The following XIRP2 variants were observed in gnomAD, a reference collection of about 807,000 sequenced individuals.
XIRP2 encodes xin actin-binding repeat-containing protein 2.
XIRP2 carries 236 observed loss-of-function variants against 277.0 expected under a neutral mutation model. That is an observed-to-expected ratio of 0.85 (90% CI 0.77 to 0.95). The LOEUF is 0.95. Ranked by LOEUF, XIRP2 falls within the 40% of genes least tolerant of loss-of-function variation. The probability of loss-of-function intolerance (pLI) is 0.00; values close to 1 mark genes in which losing one functional copy is unlikely to be tolerated. For missense variants in XIRP2, 4,640 were observed against 4,157.5 expected, an observed-to-expected ratio of 1.12 and a Z score of -3.19; for synonymous variants, 1,490 against 1,416.5, an observed-to-expected ratio of 1.05 and a Z score of -1.17.
intron 3 of XIRP2, among the ~76,000 whole-genome samples, chr2:167,143,397 C>G (rs1691779856): frequency 1.3e-5 from 2 of 151,638 alleles, no homozygotes; most frequent in South Asian, 4.2e-4. Context: ...TGGGAGTTGA[C>G]CAAGAGGAGA....
chr2:166,909,982 A>G (rs1684653394), intron 2 of XIRP2, among the ~76,000 whole-genome samples: 1 of 152,162 alleles, frequency 6.6e-6, no homozygotes, highest in Non-Finnish European at 1.5e-5. Context: ...ATGGTGGATA[A>G]GCTTTTTGAT....
chr2:166,944,406 A>T (rs574836312), intron 2 of XIRP2, among the ~76,000 whole-genome samples: 1 of 152,326 alleles, frequency 6.6e-6, no homozygotes, highest in South Asian at 2.1e-4. Context: ...TATGTGCTTC[A>T]TGTCTTAGCC....
At chr2:167,030,344 G>T (rs1450630045) in intron 2 of XIRP2, among the ~76,000 whole-genome samples, 2 of 151,914 alleles carry the variant, frequency 1.3e-5, no homozygotes, top group Non-Finnish European at 2.9e-5. Flanking sequence ...TTCTCCTGTG[G>T]GCATTTAGTA....
intron 2 of XIRP2, among the ~76,000 whole-genome samples, chr2:167,124,909 C>T (rs886857501): frequency 6.6e-6 from 1 of 152,034 alleles, no homozygotes; most frequent in African/African-American, 2.4e-5. Flanking sequence ...AGAAGGATGG[C>T]CCAGATCAGA....
Position 167,246,373 on chromosome 2 carries a change from C to G in XIRP2, c.4981C>G (p.Gln1661Glu), listed in dbSNP as rs199799734. The G allele has an allele frequency of 6.2e-7, 1 of 1,612,958 alleles. No homozygotes were observed. Residue 1661 changes from glutamine to glutamate, a missense_variant, in exon 9 of 11, where the codon CAA (glutamine) becomes GAA (glutamate). Gln to Glu is a conservative substitution (Grantham distance 29, BLOSUM62 2). Transcript: ENST00000409195. ...KEEIVKGDVQ[Q>E]AIKNLFSEER... ...AGAGATAGTGAAAGGTGATGTACAA[C>G]AAGCAATAAAAAACCTGTTCTCTGA...
intron 2 of XIRP2, among the ~76,000 whole-genome samples, chr2:167,120,245 G>T (rs751904047): frequency 6.6e-6 from 1 of 152,112 alleles, no homozygotes; most frequent in Non-Finnish European, 1.5e-5. Flanking sequence ...GCTGTATCTG[G>T]CTTCCTAGAG....
At chr2:166,911,750 G>T (rs1050859666) in intron 2 of XIRP2, among the ~76,000 whole-genome samples, 2 of 152,148 alleles carry the variant, frequency 1.3e-5, no homozygotes, top group African/African-American at 4.8e-5. Context: ...GCTGGTACTG[G>T]TTGTTCCTTT....
chr2:167,258,115 G>C lies in XIRP2; in HGVS notation c.*298G>C. ...ATGCTGGTAACAGTGAAGGGCAAAGGAATGATTTGAGAAAATTAGGGGAAA... is the reference window on the plus strand; with the variant it reads ...ATGCTGGTAACAGTGAAGGGCAAAGCAATGATTTGAGAAAATTAGGGGAAA... On this transcript the variant is annotated 3_prime_UTR_variant, in exon 11 of 11. Transcript: ENST00000409195. The C allele has an allele frequency of 6.2e-7, 1 of 1,613,192 alleles. No homozygotes were observed. Among genetic ancestry groups the C allele is most frequent in the Non-Finnish European group, 8.5e-7 (1 of 1,179,544 alleles).
rs867900614 is a variant in XIRP2 at position 167,158,031 on chromosome 2, T to C, written c.562+21969T>C. Among the ~76,000 whole-genome samples the C allele has an allele frequency of 3.3e-5, 5 of 152,298 alleles. No homozygotes were observed. The South Asian group carries it at 8.3e-4, about 25-fold the overall frequency. ...CTTTAAAAGTGCTTTAAAACAGTGT[T>C]CTAGTTGTGCCGTAACATAAACAGA... On this transcript the variant is annotated intron_variant, in intron 3 of 10. Transcript: ENST00000409195.
At chr2:167,060,457 T>G (rs1170033677) in intron 2 of XIRP2, among the ~76,000 whole-genome samples, 1 of 152,206 alleles carries the variant, frequency 6.6e-6, no homozygotes, top group Non-Finnish European at 1.5e-5. Flanking sequence ...TTTTCCCCTG[T>G]TTTCTATTAG....
chr2:167,165,781 C>A (rs1182865132), intron 3 of XIRP2, among the ~76,000 whole-genome samples: 1 of 152,154 alleles, frequency 6.6e-6, no homozygotes, highest in Non-Finnish European at 1.5e-5. Flanking sequence ...TTCTCCCAGG[C>A]CATGGCTTGC....
intron 2 of XIRP2, among the ~76,000 whole-genome samples, chr2:166,915,691 C>T (rs1252643223): frequency 4.6e-5 from 7 of 152,160 alleles, no homozygotes; most frequent in African/African-American, 9.7e-5. Context: ...TTATTCTATT[C>T]ATGTCTTTTA....
rs115432601 is a variant in XIRP2, at chr2:166,961,144, C to T, written c.408+57254C>T. ...GAATTTTTTGCAGAGAGCAGAATTA[C>T]CCCTCACTTCTGGGTGAAGAGAGCA... On this transcript the variant is annotated intron_variant, in intron 2 of 10. Transcript: ENST00000409195. Among the ~76,000 whole-genome samples, 478 of 151,814 alleles carry T rather than the reference C, an allele frequency of 3.1e-3. 4 individuals carry two copies. The highest frequency in any genetic ancestry group is 0.011 in the African/African-American group (453 of 41,480).
intron 2 of XIRP2, among the ~76,000 whole-genome samples, chr2:167,052,124 G>T (rs1688928251): frequency 6.6e-6 from 1 of 151,958 alleles, no homozygotes; most frequent in African/African-American, 2.4e-5. Context: ...TTAGTTTCTG[G>T]TAGGGAAAAA....
chr2:167,016,155 CCT>C (rs1272572828), intron 2 of XIRP2, among the ~76,000 whole-genome samples: 1 of 151,792 alleles, frequency 6.6e-6, no homozygotes, highest in African/African-American at 2.4e-5. Flanking sequence ...ACCTGCTCTT[CCT>C]CTTTTTTCTC....
chr2:167,133,515 G>A (rs1160034220), intron 2 of XIRP2, among the ~76,000 whole-genome samples: 1 of 152,186 alleles, frequency 6.6e-6, no homozygotes, highest in East Asian at 1.9e-4. Context: ...TATAGTATAA[G>A]TTAATGTCAT....
chr2:167,217,227 T>C (rs1420202622), intron 4 of XIRP2, among the ~76,000 whole-genome samples: 1 of 149,838 alleles, frequency 6.7e-6, no homozygotes, highest in African/African-American at 2.5e-5. Flanking sequence ...GGCACATGTA[T>C]ACATATGTAA....
chr2:166,905,667 T>A (rs1413099056), intron 2 of XIRP2, among the ~76,000 whole-genome samples: 1 of 151,972 alleles, frequency 6.6e-6, no homozygotes, highest in Admixed American at 6.6e-5. Context: ...TAAAAATTTC[T>A]TATCCATAGA....
intron 2 of XIRP2, among the ~76,000 whole-genome samples, chr2:166,995,824 T>C (rs1406078986): frequency 6.6e-6 from 1 of 152,202 alleles, no homozygotes; most frequent in Non-Finnish European, 1.5e-5. Context: ...AAGAGAATTG[T>C]GTTAGCCCTC....
Sources: gnomAD v4.1 joint callset for allele counts (sites outside exome capture counted in the v4.1 genomes callset) on GRCh38, gnomAD v4.1.1 for gene constraint, MANE v1.5 for transcripts, NCBI Gene and HGNC (gene_info 2026-07-23, HGNC 2026-07-21) for gene names.